PDE4D: variants seen among roughly 807,000 people sequenced by gnomAD.
PDE4D encodes the protein phosphodiesterase 4D.
A neutral mutation model predicts 87.4 loss-of-function variants in PDE4D; 24 were observed. The ratio of observed to expected loss-of-function variants is 0.27; its 90% CI spans 0.20 to 0.39. PDE4D has a LOEUF of 0.39. Ranked by LOEUF, PDE4D falls within the 10% of genes least tolerant of loss-of-function variation. The pLI, the probability that PDE4D is intolerant of heterozygous loss-of-function variation, is 1.00. For synonymous variants in PDE4D, 384 were observed against 383.2 expected (o/e 1.00, Z -0.02); for missense variants, 714 against 1,041.0 (o/e 0.69, Z 4.32).
rs138243833 is a variant in PDE4D, at chr5:59,820,450, A to G, written c.455+72718T>C. Among the ~76,000 whole-genome samples the G allele has an allele frequency of 3.4e-4, 52 of 152,342 alleles. 1 individual carries two copies. The highest frequency in any genetic ancestry group is 1.2e-3 in the African/African-American group (50 of 41,578). ...TCTCCTATTTTTTGAAGTTTAGAGG[A>G]AGAAAACTGCCTGGATGCTAAGTGT... On this transcript the variant is annotated intron_variant, in intron 1 of 14. Transcript: ENST00000340635.
intron 3 of PDE4D, among the ~76,000 whole-genome samples, chr5:59,976,748 T>G (rs1761377104): frequency 6.6e-6 from 1 of 152,234 alleles, no homozygotes; most frequent in Non-Finnish European, 1.5e-5. Flanking sequence ...GCAAGTCTAT[T>G]GGCACCATTT....
At chr5:60,036,629 G>GA (rs1350502284) in intron 2 of PDE4D, among the ~76,000 whole-genome samples, 1 of 152,120 alleles carries the variant, frequency 6.6e-6, no homozygotes, top group Non-Finnish European at 1.5e-5. Flanking sequence ...GAATTATGGG[G>GA]AAAAAAATTA....
chr5:60,078,949 G>A (rs1773624099), intron 2 of PDE4D, among the ~76,000 whole-genome samples: 1 of 152,160 alleles, frequency 6.6e-6, no homozygotes, highest in Non-Finnish European at 1.5e-5. Flanking sequence ...CTAGATCCTT[G>A]AGGAATTGCC....
chr5:59,063,732 G>C (rs982153268), intron 5 of PDE4D, among the ~76,000 whole-genome samples: 1 of 152,146 alleles, frequency 6.6e-6, no homozygotes, highest in Admixed American at 6.6e-5. Flanking sequence ...CAGTGTATCA[G>C]CCTTCTGAGC....
intron 1 of PDE4D, among the ~76,000 whole-genome samples, chr5:59,269,845 A>T (rs1763494052): frequency 7.2e-5 from 11 of 152,054 alleles, no homozygotes. Context: ...ATTTATATTA[A>T]CTTCAACTCA....
chr5:59,764,846 G>A (rs372199280), intron 1 of PDE4D, among the ~76,000 whole-genome samples: 1 of 151,784 alleles, frequency 6.6e-6, no homozygotes, highest in South Asian at 2.1e-4. Context: ...TAGTAGAGAC[G>A]GTGTTTCGCC....
At chr5:59,497,401 A>G (rs1807418398) in intron 1 of PDE4D, among the ~76,000 whole-genome samples, 2 of 152,250 alleles carry the variant, frequency 1.3e-5, no homozygotes, top group African/African-American at 2.4e-5. Context: ...AAGAAACTCA[A>G]TGAGATCCAA....
chr5:59,561,582 C>G (rs986101599), intron 1 of PDE4D, among the ~76,000 whole-genome samples: 1 of 152,124 alleles, frequency 6.6e-6, no homozygotes, highest in Non-Finnish European at 1.5e-5. Flanking sequence ...TACATTTATT[C>G]TAATTACTTT....
At chr5:60,462,314 T>C (rs1382432952) in intron 1 of PDE4D, among the ~76,000 whole-genome samples, 2 of 152,080 alleles carry the variant, frequency 1.3e-5, no homozygotes, top group African/African-American at 2.4e-5. Context: ...GGGGTGTTCA[T>C]GGGCAGCTAG....
chr5:60,076,906 C>A (rs1329009146), intron 2 of PDE4D, among the ~76,000 whole-genome samples: 3 of 152,218 alleles, frequency 2.0e-5, no homozygotes, highest in Non-Finnish European at 2.9e-5. Context: ...GCATTCACAG[C>A]AGCAGTGGTG....
chr5:59,847,647 C>G (rs997257146), intron 1 of PDE4D, among the ~76,000 whole-genome samples: 1 of 152,082 alleles, frequency 6.6e-6, no homozygotes, highest in African/African-American at 2.4e-5. Context: ...TGAACATGTT[C>G]TTTGTTTTTG....
chr5:59,786,892 G>A (rs146691505), intron 1 of PDE4D, among the ~76,000 whole-genome samples: 47 of 152,022 alleles, frequency 3.1e-4, no homozygotes, highest in East Asian at 9.7e-4. Context: ...TAAAGATTTC[G>A]CCAGGAGAAA....
intron 4 of PDE4D, among the ~76,000 whole-genome samples, chr5:59,183,123 A>G (rs1405327889): frequency 2.0e-5 from 3 of 152,222 alleles, no homozygotes; most frequent in Non-Finnish European, 4.4e-5. Context: ...ACTGAACAGA[A>G]TCGAGTTTAG....
intron 1 of PDE4D, among the ~76,000 whole-genome samples, chr5:59,380,025 C>T (rs1440971307): frequency 6.6e-6 from 1 of 151,986 alleles, no homozygotes; most frequent in Admixed American, 6.6e-5. Flanking sequence ...CTACTGTTAC[C>T]ATCTTTGTGT....
chr5:59,934,364 G>C (rs897938960), intron 3 of PDE4D, among the ~76,000 whole-genome samples: 2 of 152,210 alleles, frequency 1.3e-5, no homozygotes, highest in African/African-American at 2.4e-5. Flanking sequence ...TGGAGGTGAG[G>C]AGTTCTGTGT....
intron 1 of PDE4D, among the ~76,000 whole-genome samples, chr5:60,256,222 C>CA (rs1382543970): frequency 6.6e-6 from 1 of 151,772 alleles, no homozygotes; most frequent in Non-Finnish European, 1.5e-5. Context: ...TGCAGAGTTC[C>CA]AAAATCACAT....
intron 1 of PDE4D, among the ~76,000 whole-genome samples, chr5:60,391,595 C>T (rs2150027504): frequency 6.6e-6 from 1 of 152,280 alleles, no homozygotes; most frequent in Admixed American, 6.5e-5. Flanking sequence ...CCTCTGACTA[C>T]TGCCCCTTAG....
chr5:60,076,164 A>AT (rs1007575531), intron 2 of PDE4D, among the ~76,000 whole-genome samples: 218 of 129,690 alleles, frequency 1.7e-3, no homozygotes, highest in African/African-American at 4.5e-3. Context: ...TCTTTTTCGA[A>AT]TTTTTTTTTT....
At chr5:59,614,833 A>ATT (rs769908305) in intron 1 of PDE4D, among the ~76,000 whole-genome samples, 62 of 139,966 alleles carry the variant, frequency 4.4e-4, no homozygotes, top group African/African-American at 1.5e-3. Flanking sequence ...TGTGGCTTTC[A>ATT]TTTTTTTTTT....
Sources: gnomAD v4.1 joint callset for allele counts (sites outside exome capture counted in the v4.1 genomes callset) on GRCh38, gnomAD v4.1.1 for gene constraint, MANE v1.5 for transcripts, NCBI Gene and HGNC (gene_info 2026-07-23, HGNC 2026-07-21) for gene names.